XCR1: variants seen among roughly 807,000 people sequenced by gnomAD.
XCR1 encodes the protein chemokine XC receptor 1.
For missense variants in XCR1, 356 were observed against 424.2 expected (o/e 0.84, Z 1.41); for synonymous variants, 187 against 188.5 (o/e 0.99, Z 0.06).
chr3:46,051,078 T>C (rs1697735504), intron 5 of XCR1, among the ~76,000 whole-genome samples: 1 of 152,204 alleles, frequency 6.6e-6, no homozygotes, highest in Non-Finnish European at 1.5e-5. Context: ...GCCATTCTAA[T>C]GGTAAGGGCT....
At chr3:46,081,041 C>T (rs183359367) in intron 1 of XCR1, among the ~76,000 whole-genome samples, 13 of 152,182 alleles carry the variant, frequency 8.5e-5, no homozygotes, top group Non-Finnish European at 1.2e-4. Context: ...GAAACCTGCC[C>T]GTGCCAATGA....
At chr3:46,046,524 T>C (rs1697630604) in intron 5 of XCR1, among the ~76,000 whole-genome samples, 2 of 152,216 alleles carry the variant, frequency 1.3e-5, no homozygotes, top group South Asian at 4.1e-4. Context: ...TGTTTGATCA[T>C]ATAGCCTCCA....
At chr3:46,070,115 T>C (rs986059231) in intron 3 of XCR1, among the ~76,000 whole-genome samples, 2 of 152,118 alleles carry the variant, frequency 1.3e-5, no homozygotes, top group African/African-American at 4.8e-5. Context: ...TGTTATTGAT[T>C]TCTAGTTTTA....
intron 2 of XCR1, among the ~76,000 whole-genome samples, chr3:46,074,756 T>A (rs1698229918): frequency 6.6e-6 from 1 of 152,154 alleles, no homozygotes; most frequent in African/African-American, 2.4e-5. Context: ...GTCTTACTGT[T>A]TCAGGGGTGG....
chr3:46,080,356 A>T (rs1327628976), intron 1 of XCR1, among the ~76,000 whole-genome samples: 1 of 152,192 alleles, frequency 6.6e-6, no homozygotes, highest in Admixed American at 6.5e-5. Context: ...CCTGAAGGTT[A>T]CATCAGACAA....
chr3:46,082,375 A>C (rs1698384002), intron 1 of XCR1, among the ~76,000 whole-genome samples: 1 of 151,504 alleles, frequency 6.6e-6, no homozygotes, highest in African/African-American at 2.4e-5. Flanking sequence ...TAAAATCATC[A>C]TATATATATT....
intron 4 of XCR1, among the ~76,000 whole-genome samples, chr3:46,054,554 G>C (rs573119893): frequency 7.9e-5 from 12 of 151,688 alleles, no homozygotes; most frequent in Admixed American, 1.3e-4. Context: ...GACGAGGGGG[G>C]GGCGAGTGTG....
At chr3:46,068,818 A>G (rs552454734) in intron 3 of XCR1, among the ~76,000 whole-genome samples, 1 of 151,982 alleles carries the variant, frequency 6.6e-6, no homozygotes, top group East Asian at 1.9e-4. Flanking sequence ...GGTTTCTTAT[A>G]TATTTTCATG....
chr3:46,026,812 G>A (rs1004152495), intron 1 of XCR1, among the ~76,000 whole-genome samples: 2 of 151,752 alleles, frequency 1.3e-5, no homozygotes, highest in Non-Finnish European at 2.9e-5. Flanking sequence ...TCAATCTCCT[G>A]ACCTCATGAT....
intron 1 of XCR1, chr3:46,023,395 C>A: frequency 1.4e-6 from 2 of 1,467,410 alleles, no homozygotes; most frequent in Non-Finnish European, 1.9e-6. Flanking sequence ...GATTTCTTGT[C>A]ACAAAAAGGC....
chr3:46,027,752 T>C (rs1170577671), upstream of XCR1: 1 of 152,224 alleles, frequency 6.6e-6, no homozygotes, highest in Non-Finnish European at 1.5e-5. Context: ...CAAATTCCAC[T>C]CCTTTTTTGA....
At chr3:46,058,850 C>A (rs1345142200) in intron 4 of XCR1, among the ~76,000 whole-genome samples, 1 of 152,166 alleles carries the variant, frequency 6.6e-6, no homozygotes, top group African/African-American at 2.4e-5. Context: ...CAAGTGTGAG[C>A]CATGATGACC....
At chr3:46,055,082 G>A (rs1173992553) in intron 4 of XCR1, among the ~76,000 whole-genome samples, 1 of 152,218 alleles carries the variant, frequency 6.6e-6, no homozygotes, top group African/African-American at 2.4e-5. Flanking sequence ...AGGCCAGGAA[G>A]AAGTAGACAG....
At chr3:46,032,877 A>G (rs1159207117) in intron 5 of XCR1, among the ~76,000 whole-genome samples, 1 of 152,222 alleles carries the variant, frequency 6.6e-6, no homozygotes, top group Non-Finnish European at 1.5e-5. Flanking sequence ...CTATAATGAC[A>G]TATGATGTTG....
At chr3:46,051,982 C>T (rs146293116) in intron 5 of XCR1, among the ~76,000 whole-genome samples, 20 of 151,730 alleles carry the variant, frequency 1.3e-4, no homozygotes, top group African/African-American at 2.4e-4. Context: ...GACAAGATTG[C>T]GCCACTGCAC....
At chr3:46,079,025 A>G (rs71327021) in intron 1 of XCR1, among the ~76,000 whole-genome samples, 13,775 of 152,240 alleles carry the variant, frequency 0.09, 1,010 homozygotes, top group South Asian at 0.34. Context: ...TAAGAGAGCA[A>G]CTCATGACTT....
intron 1 of XCR1, chr3:46,024,233 GA>G (rs1459444461): frequency 6.0e-6 from 2 of 331,586 alleles, no homozygotes; most frequent in Non-Finnish European, 1.1e-5. Context: ...AAAAAAAAAT[GA>G]AAAGGGAAAA....
intron 3 of XCR1, among the ~76,000 whole-genome samples, chr3:46,069,454 T>C (rs1451191142): frequency 1.3e-5 from 2 of 152,156 alleles, no homozygotes; most frequent in Non-Finnish European, 2.9e-5. Context: ...TCAAATACAG[T>C]TGACAGCTAA....
chr3:46,069,843 GGT>G (rs1199227081), intron 3 of XCR1, among the ~76,000 whole-genome samples: 1 of 150,244 alleles, frequency 6.7e-6, no homozygotes, highest in Admixed American at 6.6e-5. Flanking sequence ...GCTAGTTTTG[GGT>G]TTGTTTTTTT....
Sources: allele counts gnomAD v4.1 joint callset (sites outside exome capture counted in the v4.1 genomes callset), GRCh38; gene constraint gnomAD v4.1.1; transcripts MANE v1.5; gene names NCBI Gene and HGNC (gene_info 2026-07-23, HGNC 2026-07-21).